Variants in SCLT1 observed in about 807,000 individuals in gnomAD.
SCLT1 encodes the protein sodium channel-associated protein 1.
In SCLT1, 78 loss-of-function variants were observed where a neutral mutation model predicts 112.8. The ratio of observed to expected loss-of-function variants is 0.69; its 90% CI spans 0.58 to 0.83. The LOEUF is 0.83. Among genes scored for constraint, SCLT1 ranks in the 40% least tolerant of loss-of-function variants. The probability of loss-of-function intolerance (pLI) is 0.00; values close to 1 mark genes in which losing one functional copy is unlikely to be tolerated. For synonymous variants in SCLT1, 257 were observed against 254.7 expected (o/e 1.01, Z -0.09); for missense variants, 747 against 770.4 (o/e 0.97, Z 0.36).
intron 5 of SCLT1, among the ~76,000 whole-genome samples, chr4:129,032,912 G>T (rs1746856127): frequency 6.6e-6 from 1 of 152,166 alleles, no homozygotes; most frequent in Non-Finnish European, 1.5e-5. Flanking sequence ...AACCATTGTG[G>T]AAGACAGTGT....
At chr4:129,092,616 T>A (rs1481905640) in intron 1 of SCLT1, among the ~76,000 whole-genome samples, 2 of 152,224 alleles carry the variant, frequency 1.3e-5, no homozygotes, top group African/African-American at 4.8e-5. Context: ...TTGGAATACA[T>A]TTCCCTCCCC....
At chr4:129,030,051 A>G (rs1246895083) in intron 5 of SCLT1, among the ~76,000 whole-genome samples, 1 of 152,208 alleles carries the variant, frequency 6.6e-6, no homozygotes, top group Non-Finnish European at 1.5e-5. Context: ...AATAGGCTAC[A>G]TAATTGGAAG....
At chr4:128,888,651 T>G in intron 20 of SCLT1, 28 bp downstream of exon 20, 1 of 1,335,722 alleles carries the variant, frequency 7.5e-7, no homozygotes, top group South Asian at 1.2e-5. Context: ...AACTGTTTAT[T>G]ATCTAGGGAT....
In SCLT1 at chr4:128,936,833, C is replaced by T; in HGVS notation, c.1651G>A (p.Glu551Lys). The T allele has an allele frequency of 6.4e-7, 1 of 1,571,932 alleles. No individual in the cohort carries two copies. The highest frequency in any genetic ancestry group is 1.1e-5 in the South Asian group (1 of 88,148). ...AKVKISTMEH[E>K]FSIKERGFEV... ...AATCCACGTTCCTTTATTGAAAATT[C>T]ATGTTCCATTGTACTGATCTAAAGA... Residue 551 changes from glutamate to lysine, a missense_variant, in exon 18 of 21, where the codon GAA (glutamate) becomes AAA (lysine). Around this residue, in one of 2 missense-constraint regions of SCLT1, gnomAD observed 723 missense variants for 721.3 expected, o/e 1.00. Transcript: ENST00000281142.
intron 2 of SCLT1, among the ~76,000 whole-genome samples, chr4:129,066,212 G>C (rs945071221): frequency 4.6e-5 from 7 of 151,874 alleles, no homozygotes; most frequent in African/African-American, 1.7e-4. Flanking sequence ...ATATAAACCA[G>C]ATAAATGAAA....
At chr4:129,036,185 A>G (rs1747166546) in intron 5 of SCLT1, among the ~76,000 whole-genome samples, 1 of 152,096 alleles carries the variant, frequency 6.6e-6, no homozygotes, top group Non-Finnish European at 1.5e-5. Flanking sequence ...CTTTCAAGTT[A>G]CCAAAAGTGT....
chr4:128,947,183 C>T (rs370055285), intron 15 of SCLT1, among the ~76,000 whole-genome samples: 46 of 152,178 alleles, frequency 3.0e-4, no homozygotes, highest in Admixed American at 1.0e-3. Flanking sequence ...GAGAATAAGG[C>T]GCTGTGCTTT....
downstream of SCLT1, among the ~76,000 whole-genome samples, chr4:128,880,145 G>C (rs559203464): frequency 8.1e-4 from 124 of 152,254 alleles, no homozygotes; most frequent in African/African-American, 2.8e-3. Flanking sequence ...TTGGCAGAAG[G>C]CTGGATTTTT....
At chr4:129,007,241 A>C (rs1290933241) in intron 5 of SCLT1, among the ~76,000 whole-genome samples, 2 of 152,140 alleles carry the variant, frequency 1.3e-5, no homozygotes, top group African/African-American at 4.8e-5. Context: ...TATTCTATAT[A>C]TGTCCCTTAA....
intron 6 of SCLT1, 46 bp downstream of exon 6, chr4:129,003,695 G>C: frequency 1.4e-6 from 2 of 1,387,958 alleles, no homozygotes; most frequent in Non-Finnish European, 2.0e-6. Flanking sequence ...TTTTTAAAAA[G>C]GTATGTTAAT....
chr4:129,032,551 CA>C (rs544921267), intron 5 of SCLT1, among the ~76,000 whole-genome samples: 222 of 151,940 alleles, frequency 1.5e-3, no homozygotes, highest in African/African-American at 5.1e-3. Flanking sequence ...AGTGAACAGG[CA>C]ACCTACAGAA....
chr4:128,945,561 C>A (rs954305475), intron 16 of SCLT1, among the ~76,000 whole-genome samples: 6 of 151,962 alleles, frequency 3.9e-5, no homozygotes, highest in Admixed American at 1.3e-4. Context: ...TTAGGTAATA[C>A]CGTCGGGGTG....
At chr4:128,883,926 A>C (rs1732712891), downstream of SCLT1, 1 of 152,142 alleles carries the variant, frequency 6.6e-6, no homozygotes, top group African/African-American at 2.4e-5. Context: ...CAAGTTCCAT[A>C]AATACTGAAA....
intron 2 of SCLT1, among the ~76,000 whole-genome samples, chr4:129,060,595 T>G (rs971385064): frequency 1.3e-5 from 2 of 152,162 alleles, no homozygotes; most frequent in African/African-American, 2.4e-5. Context: ...CAGCTGTAAT[T>G]AATGTCAGCA....
At chr4:128,895,045 A>C (rs1293039534) in intron 18 of SCLT1, among the ~76,000 whole-genome samples, 1 of 152,166 alleles carries the variant, frequency 6.6e-6, no homozygotes, top group Non-Finnish European at 1.5e-5. Context: ...CGTCTCTTGC[A>C]TCTATTTTTC....
intron 2 of SCLT1, among the ~76,000 whole-genome samples, chr4:129,057,857 T>C (rs1749579723): frequency 6.6e-6 from 1 of 152,110 alleles, no homozygotes; most frequent in Non-Finnish European, 1.5e-5. Context: ...GTTCAAGTGA[T>C]TCTTGTGCCT....
At chr4:128,975,359 AC>A (rs1741072184) in intron 9 of SCLT1, among the ~76,000 whole-genome samples, 1 of 152,054 alleles carries the variant, frequency 6.6e-6, no homozygotes, top group African/African-American at 2.4e-5. Flanking sequence ...TAAAAATAAA[AC>A]TTTGTTAAGC....
intron 18 of SCLT1, among the ~76,000 whole-genome samples, chr4:128,930,328 T>C (rs1008198377): frequency 1.3e-5 from 2 of 152,132 alleles, no homozygotes; most frequent in Non-Finnish European, 2.9e-5. Context: ...GTGTAAGCAA[T>C]CTTGGAAGCA....
At chr4:129,061,503 G>A (rs993635870) in intron 2 of SCLT1, among the ~76,000 whole-genome samples, 2 of 152,122 alleles carry the variant, frequency 1.3e-5, no homozygotes, top group African/African-American at 2.4e-5. Context: ...GATCAATCCT[G>A]GGGACAATGA....
Sources: gnomAD v4.1 joint callset for allele counts (sites outside exome capture counted in the v4.1 genomes callset) on GRCh38, gnomAD v4.1.1 for gene constraint, gnomAD v4.1.1 regional missense constraint, MANE v1.5 for transcripts, NCBI Gene and HGNC (gene_info 2026-07-23, HGNC 2026-07-21) for gene names.